ANKRD36B: variants seen among roughly 807,000 people sequenced by gnomAD.
ANKRD36B encodes the protein ankyrin repeat domain-containing protein 36B.
A neutral mutation model predicts 135.7 loss-of-function variants in ANKRD36B; 37 were observed. The observed-to-expected ratio is 0.27, with a 90% CI of 0.21 to 0.36. The LOEUF is 0.36. Among genes scored for constraint, ANKRD36B ranks in the 10% least tolerant of loss-of-function variants. The probability of loss-of-function intolerance (pLI) is 1.00; values close to 1 mark genes in which losing one functional copy is unlikely to be tolerated. For missense variants in ANKRD36B, 549 were observed against 1,037.1 expected (o/e 0.53, Z 6.46); for synonymous variants, 179 against 348.1 (o/e 0.51, Z 5.41).
chr2:97,564,438 A>G (rs1162142660), intron 6 of ANKRD36B, among the ~76,000 whole-genome samples: 1 of 152,172 alleles, frequency 6.6e-6, no homozygotes, highest in African/African-American at 2.4e-5. Flanking sequence ...TGTTTTAGTC[A>G]TGAAGTATTT....
At chr2:97,586,311 G>A (rs780527448) in intron 1 of ANKRD36B, among the ~76,000 whole-genome samples, 37 of 151,390 alleles carry the variant, frequency 2.4e-4, no homozygotes, top group African/African-American at 8.3e-4. Flanking sequence ...TATTTGCAAT[G>A]ATTAATAGTA....
chr2:97,558,713 A>G (rs554190663), intron 10 of ANKRD36B, 86 bp downstream of exon 10: 64 of 1,580,426 alleles, frequency 4.0e-5, no homozygotes, highest in African/African-American at 2.2e-4. Context: ...TGCAGCTTCA[A>G]TGAATCCCCC....
chr2:97,549,182 A>G (rs1164635429), intron 20 of ANKRD36B, among the ~76,000 whole-genome samples: 9 of 151,864 alleles, frequency 5.9e-5, no homozygotes, highest in Non-Finnish European at 8.8e-5. Context: ...CTCTCCATAT[A>G]TCTTCTTCCC....
rs1186696772 is a variant in ANKRD36B, at chr2:97,529,711, G to A, written c.2265+2600C>T. Among the ~76,000 whole-genome samples the A allele has an allele frequency of 4.2e-5, 4 of 95,634 alleles. 1 individual carries two copies. Among genetic ancestry groups the A allele is most frequent in the African/African-American group, 1.3e-4 (4 of 31,936 alleles). The allele number at this position is 95,634 out of a possible 152,430, so 62.7% of individuals were successfully genotyped here. On this transcript the variant is annotated intron_variant, in intron 35 of 43. Coordinates refer to ENST00000359901, the MANE Select transcript of ANKRD36B (RefSeq NM_001393939.1). ...GATCAGCAACTTCAGCAAAGTCTCA[G>A]GATACAAAATCAATGTACAAAAATC...
At chr2:97,549,247 G>GCAGCAT (rs71849050) in intron 20 of ANKRD36B, among the ~76,000 whole-genome samples, 172 bp downstream of exon 20, 6 of 149,492 alleles carry the variant, frequency 4.0e-5, no homozygotes, top group South Asian at 2.1e-4. Flanking sequence ...TTCCAGACCA[G>GCAGCAT]CAGCATCAGC....
At chr2:97,550,679 T>C (rs147088729) in intron 18 of ANKRD36B, among the ~76,000 whole-genome samples, 93 of 152,012 alleles carry the variant, frequency 6.1e-4, no homozygotes, top group African/African-American at 2.2e-3. Context: ...AAGCACTGTT[T>C]CCTGCTTCCA....
chr2:97,570,581 T>C (rs1292557190), intron 6 of ANKRD36B, among the ~76,000 whole-genome samples: 3 of 152,166 alleles, frequency 2.0e-5, no homozygotes. Flanking sequence ...GGATACTGTG[T>C]AAGTCTCTAG....
intron 36 of ANKRD36B, among the ~76,000 whole-genome samples, chr2:97,519,757 CAAAAT>C (rs1410385817): frequency 1.1e-5 from 1 of 91,666 alleles, no homozygotes; most frequent in African/African-American, 3.2e-5. Context: ...TTAGGGAAGT[CAAAAT>C]AATTTATGTA....
At chr2:97,506,769 G>T (rs2077374817) in intron 43 of ANKRD36B, among the ~76,000 whole-genome samples, 2 of 91,208 alleles carry the variant, frequency 2.2e-5, no homozygotes, top group South Asian at 4.7e-4. Flanking sequence ...AGGGGTGGCA[G>T]AAGAAAAGTG....
intron 36 of ANKRD36B, among the ~76,000 whole-genome samples, chr2:97,519,729 G>A (rs2077901839): frequency 1.1e-5 from 1 of 88,514 alleles, no homozygotes; most frequent in African/African-American, 3.3e-5. Flanking sequence ...AGATACATAG[G>A]CAGAGCACAG....
intron 35 of ANKRD36B, among the ~76,000 whole-genome samples, chr2:97,530,963 G>A (rs1213833262): frequency 1.0e-5 from 1 of 96,468 alleles, no homozygotes; most frequent in East Asian, 2.3e-4. Context: ...TGGTGGGACT[G>A]TAAACTAGTT....
intron 5 of ANKRD36B, among the ~76,000 whole-genome samples, chr2:97,577,028 A>G (rs2082279867): frequency 6.6e-6 from 1 of 152,052 alleles, no homozygotes; most frequent in Non-Finnish European, 1.5e-5. Context: ...TTTCTGGCTT[A>G]TAATTCAGTG....
At chr2:97,546,154 A>G (rs1267232079) in intron 22 of ANKRD36B, among the ~76,000 whole-genome samples, 2 of 151,772 alleles carry the variant, frequency 1.3e-5, no homozygotes, top group Non-Finnish European at 3.0e-5. Flanking sequence ...GATGAGGACA[A>G]AGTGATCTAA....
chr2:97,551,626 A>C, intron 16 of ANKRD36B, 146 bp from the exon 17 acceptor site: 1 of 1,366,554 alleles, frequency 7.3e-7, no homozygotes, highest in Non-Finnish European at 1.0e-6. Flanking sequence ...TGGGGATTAG[A>C]ACATGACAGA....
chr2:97,559,873 T>C (rs1021334410), intron 8 of ANKRD36B, among the ~76,000 whole-genome samples: 3 of 151,926 alleles, frequency 2.0e-5, no homozygotes, highest in East Asian at 1.9e-4. Context: ...GGAAGTTTCA[T>C]TAAGTAGCTA....
In ANKRD36B at chr2:97,528,606, A is replaced by G. The variant is rs1313214066; in HGVS notation, c.2265+3705T>C. On this transcript the variant is annotated intron_variant, in intron 35 of 43. Transcript: ENST00000359901. ...CAAAAAACCCTTCAAAAAATTAATG[A>G]ATCCAGGAGCCGGTTTTTTGAAAGG... Among the ~76,000 whole-genome samples, 2 of 95,348 alleles carry G rather than the reference A, an allele frequency of 2.1e-5. 1 individual carries two copies. The highest frequency in any genetic ancestry group is 1.9e-4 in the Admixed American group (2 of 10,720). The allele number at this position is 95,348 out of a possible 152,430, so 62.6% of individuals were successfully genotyped here.
At position 97,549,630 on chromosome 2, in the gene ANKRD36B, G is replaced by A. The variant is rs373485634; in HGVS notation, c.1376-16C>T. 3.3e-3 allele frequency: 5,277 copies of A among 1,606,580 alleles called. No homozygotes were observed. Among genetic ancestry groups the A allele is most frequent in the Middle Eastern group, 0.013 (60 of 4,558 alleles). ...TGAGAAGACACTGAAAAGCAAAAGG[G>A]ATTCATAATCACTCATATGTAAATA... is the stretch of plus-strand genomic sequence containing the variant. On this transcript the variant is annotated splice_polypyrimidine_tract_variant and intron_variant, in intron 18 of 43. Transcript: ENST00000359901.
chr2:97,567,603 T>C (rs4069515), intron 6 of ANKRD36B, among the ~76,000 whole-genome samples: 1,635 of 152,262 alleles, frequency 0.011, 37 homozygotes, highest in African/African-American at 0.036. Context: ...GGTGGTTTTA[T>C]TGACTGCAGA....
rs2922583 is a variant in ANKRD36B at position 97,557,226 on chromosome 2, C to T, written c.968-94G>A. ...GTGTTAGCATCAAGCTGTATCCTCC[C>T]GCCTGCACTAGTGTAGGATTTGATG... On this transcript the variant is annotated intron_variant, in intron 10 of 43. Transcript: ENST00000359901. The T allele has an allele frequency of 7.5e-4, 1,114 of 1,489,610 alleles. 2 individuals carry two copies. Among genetic ancestry groups the T allele is most frequent in the African/African-American group, 2.0e-3 (141 of 70,624 alleles). The allele number at this position is 1,489,610 out of a possible 1,614,324, so 92.3% of individuals were successfully genotyped here.
Sources: gnomAD v4.1 joint callset for allele counts (sites outside exome capture counted in the v4.1 genomes callset) on GRCh38, gnomAD v4.1.1 for gene constraint, MANE v1.5 for transcripts, NCBI Gene and HGNC (gene_info 2026-07-23, HGNC 2026-07-21) for gene names.